The following SATB2 variants were observed in gnomAD, a reference collection of about 807,000 sequenced individuals.
SATB2 encodes the protein DNA-binding protein SATB2.
Under a neutral mutation model 73.4 loss-of-function variants are expected in SATB2, and 1 was observed. The ratio of observed to expected loss-of-function variants is 0.01; its 90% CI spans 0.00 to 0.06. The LOEUF is 0.06. Among genes scored for constraint, SATB2 ranks in the 10% least tolerant of loss-of-function variants. SATB2 has a pLI of 1.00. For missense variants in SATB2, 459 were observed against 945.8 expected, an observed-to-expected ratio of 0.49 and a Z score of 6.75; for synonymous variants, 397 against 367.0, an observed-to-expected ratio of 1.08 and a Z score of -0.93.
chr2:199,456,915 T>C (rs1469593675), intron 1 of SATB2, among the ~76,000 whole-genome samples: 1 of 137,438 alleles, frequency 7.3e-6, no homozygotes. Context: ...TCTGGGTCAC[T>C]AGGTTGGCAG....
chr2:199,414,023 A>T (rs1690900516), intron 3 of SATB2, among the ~76,000 whole-genome samples: 1 of 152,166 alleles, frequency 6.6e-6, no homozygotes, highest in Non-Finnish European at 1.5e-5. Context: ...CACTCCACTG[A>T]CTCAAACCCT....
chr2:199,358,047 T>C (rs1363529265), intron 6 of SATB2, among the ~76,000 whole-genome samples: 1 of 152,120 alleles, frequency 6.6e-6, no homozygotes, highest in Non-Finnish European at 1.5e-5. Context: ...TCCATATGCT[T>C]CCACCTGATA....
At chr2:199,441,782 G>A (rs990889204) in intron 2 of SATB2, among the ~76,000 whole-genome samples, 2 of 152,220 alleles carry the variant, frequency 1.3e-5, no homozygotes, top group Admixed American at 6.5e-5. Flanking sequence ...AGTCAGGTCC[G>A]AAGGCTGAAG....
At chr2:199,356,863 T>TA (rs1689002071) in intron 6 of SATB2, among the ~76,000 whole-genome samples, 1 of 152,206 alleles carries the variant, frequency 6.6e-6, no homozygotes, top group East Asian at 1.9e-4. Flanking sequence ...ACCATTTATA[T>TA]AGTAGCTGAA....
intron 6 of SATB2, among the ~76,000 whole-genome samples, chr2:199,353,486 A>C (rs1226244486): frequency 6.6e-6 from 1 of 152,098 alleles, no homozygotes; most frequent in Admixed American, 6.6e-5. Flanking sequence ...ATTTTAATTT[A>C]GTTCTTGCTG....
upstream of SATB2, chr2:199,458,407 G>C (rs924263463): frequency 8.2e-6 from 3 of 367,280 alleles, no homozygotes; most frequent in African/African-American, 4.5e-5. Flanking sequence ...GGGGTGACGA[G>C]GACCTCATGC....
intron 7 of SATB2, among the ~76,000 whole-genome samples, chr2:199,330,464 G>A (rs181611452): frequency 6.6e-6 from 1 of 152,292 alleles, no homozygotes; most frequent in African/African-American, 2.4e-5. Context: ...TTTTGTGTGC[G>A]TCTGTGTCTG....
chr2:199,324,125 T>C (rs752476589), intron 8 of SATB2, among the ~76,000 whole-genome samples, 167 bp from the exon 9 acceptor site: 2 of 152,162 alleles, frequency 1.3e-5, no homozygotes, highest in Non-Finnish European at 2.9e-5. Context: ...TTGGAAATAA[T>C]TGCAGTGCAT....
intron 2 of SATB2, among the ~76,000 whole-genome samples, chr2:199,446,848 G>C (rs1377243664): frequency 6.6e-6 from 1 of 152,202 alleles, no homozygotes; most frequent in African/African-American, 2.4e-5. Context: ...TCCACCAGGA[G>C]GATGTACTGC....
intron 5 of SATB2, 95 bp downstream of exon 5, chr2:199,380,269 C>CA (rs2105865641): frequency 2.1e-6 from 3 of 1,457,200 alleles, no homozygotes; most frequent in Non-Finnish European, 2.9e-6. Context: ...AAATAAAAGA[C>CA]AGAGAAGACA....
chr2:199,400,449 C>G (rs1292900829), intron 3 of SATB2, among the ~76,000 whole-genome samples: 1 of 152,176 alleles, frequency 6.6e-6, no homozygotes. Flanking sequence ...TGGAGTTGCA[C>G]TAGGTGTTGT....
At chr2:199,387,086 T>C (rs1355054932) in intron 3 of SATB2, among the ~76,000 whole-genome samples, 1 of 152,216 alleles carries the variant, frequency 6.6e-6, no homozygotes, top group African/African-American at 2.4e-5. Context: ...ACCATTAGTT[T>C]ATCCTTATGA....
rs185738645 is a variant in SATB2, at chr2:199,297,977, T to C, written c.1740+10783A>G. On this transcript the variant is annotated intron_variant, in intron 10 of 10. Transcript: ENST00000417098. The stretch of plus-strand genomic sequence containing the variant: ...GGAAGGCCATATGAAACCAGACAGC[T>C]GAGTCTCTAAATCTGTCTTAAAACA... 4.6e-3 allele frequency among the ~76,000 whole-genome samples: 693 copies of C among 152,286 alleles called. 2 individuals carry two copies. The highest frequency in any genetic ancestry group is 6.2e-3 in the Non-Finnish European group (420 of 68,010).
upstream of SATB2, chr2:199,458,351 GAGGCAGGGAGGAGGGAAGAGGA>G: frequency 3.6e-6 from 1 of 274,378 alleles, no homozygotes; most frequent in South Asian, 2.8e-5. Flanking sequence ...GGGCGGGTGG[GAGGCAGGGAGGAGGGAAGAGGA>G]AGGGGAGAGT....
intron 3 of SATB2, among the ~76,000 whole-genome samples, chr2:199,411,410 T>C (rs147333792): frequency 3.4e-4 from 52 of 152,288 alleles, no homozygotes; most frequent in Non-Finnish European, 5.9e-4. Flanking sequence ...TACCACTAAA[T>C]GACTATTGCT....
intron 2 of SATB2, among the ~76,000 whole-genome samples, chr2:199,444,855 A>G (rs551330185): frequency 6.6e-6 from 1 of 152,212 alleles, no homozygotes; most frequent in African/African-American, 2.4e-5. Flanking sequence ...TGTTAACACA[A>G]ATAGGATCGA....
upstream of SATB2, chr2:199,459,494 C>T (rs1692412358): frequency 6.6e-6 from 1 of 152,250 alleles, no homozygotes; most frequent in South Asian, 2.1e-4. The surrounding 1 kb of genome is among the most constrained non-coding windows in gnomAD (Gnocchi z 4.2). Context: ...CCGCGAGATA[C>T]CCGGGGCGTC....
At chr2:199,389,213 T>G (rs1293092344) in intron 3 of SATB2, among the ~76,000 whole-genome samples, 3 of 152,186 alleles carry the variant, frequency 2.0e-5, no homozygotes, top group Non-Finnish European at 4.4e-5. Context: ...AAAAATGGTT[T>G]TTGAAGTATA....
intron 8 of SATB2, among the ~76,000 whole-genome samples, chr2:199,324,992 T>C (rs1687991155): frequency 6.6e-6 from 1 of 152,166 alleles, no homozygotes; most frequent in Non-Finnish European, 1.5e-5. Context: ...AGCTGTTCTC[T>C]ACTGGATCCA....
Sources: gnomAD v4.1 joint callset for allele counts (sites outside exome capture counted in the v4.1 genomes callset) on GRCh38, gnomAD v4.1.1 for gene constraint, Gnocchi (gnomAD v3.1) non-coding constraint, MANE v1.5 for transcripts, NCBI Gene and HGNC (gene_info 2026-07-23, HGNC 2026-07-21) for gene names.